Variants in NLGN3 observed in about 807,000 individuals in gnomAD.
The protein encoded by NLGN3 is neuroligin-3.
In NLGN3, 11 loss-of-function variants were observed where a neutral mutation model predicts 42.9. The observed-to-expected ratio is 0.26, with a 90% CI of 0.16 to 0.42. NLGN3 has a LOEUF of 0.42. NLGN3 is among the 10% of genes least tolerant of loss of function. NLGN3 has a pLI of 1.00. For synonymous variants in NLGN3, 279 were observed against 312.7 expected (o/e 0.89, Z 1.14); for missense variants, 374 against 733.8 (o/e 0.51, Z 5.67).
intron 5 of NLGN3, among the ~76,000 whole-genome samples, chrX:71,162,091 G>T (rs1469692407): frequency 1.8e-5 from 2 of 111,252 alleles, no homozygotes; most frequent in Admixed American, 1.9e-4. Flanking sequence ...TTGGATCATG[G>T]TCAACAGAGT....
At position 71,148,163 on chromosome X, in the gene NLGN3, C is replaced by T. The variant is rs2233439; in HGVS notation, c.414C>T (p.Asn138=). The part of the protein sequence containing the change: ...DIVATYIQEP[N]EDCLYLNVYV... ...TCGCTACTTACATCCAGGAGCCCAA[C>T]GAAGACTGTCTCTACCTGAACGTCT... The change falls in exon 2 of 8, where the codon AAC becomes AAT. Residue 138 remains asparagine, a synonymous_variant. Coordinates refer to ENST00000358741, the MANE Select transcript of NLGN3 (RefSeq NM_181303.2). The T allele has an allele frequency of 1.8e-4, 215 of 1,209,131 alleles. 1 individual carries two copies. Among genetic ancestry groups the T allele is most frequent in the Middle Eastern group, 9.1e-4 (4 of 4,375 alleles).
At position 71,170,331 on chromosome X, in the gene NLGN3, G is replaced by A. The variant is rs2092467524; in HGVS notation, c.*234G>A. On this transcript the variant is annotated 3_prime_UTR_variant, in exon 8 of 8. Coordinates refer to ENST00000358741, the MANE Select transcript of NLGN3 (RefSeq NM_181303.2). The stretch of plus-strand genomic sequence containing the variant: ...AACCTGAACAAACCCTTTAAATGGG[G>A]ACGCAGATGAGTCCTCGGTAAACCG... The A allele has an allele frequency of 2.8e-6, 3 of 1,064,419 alleles. No homozygotes were observed. The highest frequency in any genetic ancestry group is 3.4e-5 in the Admixed American group (1 of 29,849). The allele number at this position is 1,064,419 out of a possible 1,213,427, so 87.7% of individuals were successfully genotyped here.
At position 71,148,095 on chromosome X, in the gene NLGN3, G is replaced by A. The variant is rs955788092; in HGVS notation, c.346G>A (p.Glu116Lys). 3.3e-6 allele frequency: 4 copies of A among 1,207,851 alleles called. No homozygotes were observed. The highest frequency in any genetic ancestry group is 1.8e-5 in the African/African-American group (1 of 56,616). Reference protein sequence around the residue: ...CPQNIHTAVPEVMLPVWFTAN... With the variant: ...CPQNIHTAVPKVMLPVWFTAN... ...CCAGAACATCCACACAGCTGTGCCC[G>A]AAGTCATGCTGCCGGTCTGGTTCAC... Residue 116 changes from glutamate (E) to lysine (K), a missense_variant, in exon 2 of 8, where the codon GAA becomes AAA. By Grantham distance (56) the Glu-to-Lys change is moderately conservative. Coordinates refer to ENST00000358741, the MANE Select transcript of NLGN3 (RefSeq NM_181303.2).
chrX:71,163,786 C>A, intron 5 of NLGN3, among the ~76,000 whole-genome samples: 1 of 112,068 alleles, frequency 8.9e-6, no homozygotes, highest in Admixed American at 9.4e-5. Context: ...GGTTTCCATT[C>A]TATCTTGCCA....
At chrX:71,151,613 G>A (rs72628897) in intron 3 of NLGN3, among the ~76,000 whole-genome samples, 7,420 of 112,083 alleles carry the variant, frequency 0.066, 539 homozygotes, top group African/African-American at 0.22. Flanking sequence ...GAGGCATGGC[G>A]GCTAGGAGCT....
chrX:71,150,478 G>T lies in NLGN3; in HGVS notation c.517+1573G>T, dbSNP rs750600450. On this transcript the variant is annotated intron_variant, in intron 3 of 7. Coordinates refer to ENST00000358741, the MANE Select transcript of NLGN3 (RefSeq NM_181303.2). ...GCACTTTGGGAGGCCGAGGCAGGTG[G>T]ATCACGAGGTCAGGAGATCGAGACC... Among the ~76,000 whole-genome samples, 27 of 111,252 alleles carry T rather than the reference G, an allele frequency of 2.4e-4. 1 individual carries two copies. The highest frequency in any genetic ancestry group is 3.2e-4 in the Non-Finnish European group (17 of 52,970).
At chrX:71,164,449 T>A in intron 6 of NLGN3, 121 bp downstream of exon 6, 1 of 697,709 alleles carries the variant, frequency 1.4e-6, no homozygotes, top group Non-Finnish European at 2.1e-6. Context: ...TTGGTATCCC[T>A]TTGGCAAGAA....
At chrX:71,152,858 C>T (rs897662771) in intron 3 of NLGN3, among the ~76,000 whole-genome samples, 1 of 111,438 alleles carries the variant, frequency 9.0e-6, no homozygotes, top group Non-Finnish European at 1.9e-5. Flanking sequence ...TTGCCATTAA[C>T]CAGAGCAGGG....
chrX:71,155,161 T>G, intron 4 of NLGN3, 53 bp from the exon 5 acceptor site: 4 of 1,197,694 alleles, frequency 3.3e-6, no homozygotes. Flanking sequence ...CTGGCAGGGG[T>G]GGGGGAGCAA....
intron 5 of NLGN3, among the ~76,000 whole-genome samples, chrX:71,156,853 A>G (rs897667219): frequency 9.0e-6 from 1 of 111,233 alleles, no homozygotes; most frequent in Non-Finnish European, 1.9e-5. Flanking sequence ...CCACCCCCGC[A>G]TTCTCTGCTG....
chrX:71,168,343 AAC>A (rs368070199), intron 7 of NLGN3, among the ~76,000 whole-genome samples: 5 of 108,770 alleles, frequency 4.6e-5, no homozygotes, highest in Admixed American at 2.0e-4. Flanking sequence ...CCTTATCTTA[AAC>A]ACACACACAC....
chrX:71,164,356 A>G (rs1232133041), intron 6 of NLGN3, 28 bp downstream of exon 6: 1 of 1,196,626 alleles, frequency 8.4e-7, no homozygotes, highest in African/African-American at 1.7e-5. Flanking sequence ...CAAAACATGA[A>G]CTAGCCAAGT....
At chrX:71,148,933 A>C (rs1378568281) in intron 3 of NLGN3, 28 bp downstream of exon 3, 10 of 902,404 alleles carry the variant, frequency 1.1e-5, no homozygotes, top group Non-Finnish European at 1.5e-5. Context: ...GGGGAGGGAG[A>C]GAGAGAGAGA....
Position 71,169,949 on chromosome X carries a change from C to T in NLGN3, c.2399C>T (p.Pro800Leu), listed in dbSNP as rs200889500. ...TACACCCTGACCCTGCGGCGCTCCC[C>T]GGATGACATCCCACTCATGACCCCC... Reference protein sequence around the residue: ...PDYTLTLRRSPDDIPLMTPNT... With the variant: ...PDYTLTLRRSLDDIPLMTPNT... Residue 800 changes from proline (P) to leucine (L), a missense_variant, in exon 8 of 8, where the codon CCG becomes CTG. Coordinates refer to ENST00000358741, the MANE Select transcript of NLGN3 (RefSeq NM_181303.2). 64 of 1,203,671 alleles carry T rather than the reference C, an allele frequency of 5.3e-5. No individual in the cohort carries two copies. The highest frequency in any genetic ancestry group is 6.9e-5 in the Non-Finnish European group (62 of 892,351).
At chrX:71,153,577 C>G in intron 4 of NLGN3, 41 bp downstream of exon 4, 1 of 1,099,455 alleles carries the variant, frequency 9.1e-7, no homozygotes, top group Non-Finnish European at 1.2e-6. Context: ...GTGCATGGCA[C>G]AGAGCCCCTC....
chrX:71,155,413 G>C (rs774431549), intron 5 of NLGN3, 50 bp downstream of exon 5: 2 of 1,184,922 alleles, frequency 1.7e-6, no homozygotes, highest in African/African-American at 1.7e-5. Context: ...TCGCAAGGGG[G>C]GAGGAAAGAA....
downstream of NLGN3, chrX:71,171,217 C>T (rs1369577514): frequency 4.0e-6 from 3 of 753,443 alleles, no homozygotes; most frequent in Non-Finnish European, 4.7e-6. Flanking sequence ...CTCCCTTGCA[C>T]AGGCCTTGCC....
intron 5 of NLGN3, among the ~76,000 whole-genome samples, chrX:71,158,811 C>A (rs1304605090): frequency 9.0e-6 from 1 of 111,719 alleles, no homozygotes; most frequent in Non-Finnish European, 1.9e-5. Flanking sequence ...CTGTGGGCCG[C>A]ACAGAAGGCT....
intron 5 of NLGN3, among the ~76,000 whole-genome samples, chrX:71,163,435 T>C: frequency 9.1e-6 from 1 of 110,168 alleles, no homozygotes; most frequent in Non-Finnish European, 1.9e-5. Flanking sequence ...GCCCTGAAAA[T>C]GAGGGGAAGG....
Sources: allele counts gnomAD v4.1 joint callset (sites outside exome capture counted in the v4.1 genomes callset), GRCh38; gene constraint gnomAD v4.1.1; transcripts MANE v1.5; gene names NCBI Gene and HGNC (gene_info 2026-07-23, HGNC 2026-07-21).